MECOM: variants seen among roughly 807,000 people sequenced by gnomAD.
MECOM encodes MDS1 and EVI1 complex locus.
MECOM carries 13 observed loss-of-function variants against 116.3 expected under a neutral mutation model. The ratio of observed to expected loss-of-function variants is 0.11; its 90% confidence interval spans 0.07 to 0.18. MECOM has a LOEUF of 0.18. Among genes scored for constraint, MECOM ranks in the 10% least tolerant of loss-of-function variants. MECOM has a pLI of 1.00. For missense variants in MECOM, 1,299 were observed against 1,509.0 expected (o/e 0.86, Z 2.31); for synonymous variants, 528 against 535.2 (o/e 0.99, Z 0.19).
At chr3:169,417,730 T>C (rs1738919071) in intron 1 of MECOM, among the ~76,000 whole-genome samples, 2 of 151,830 alleles carry the variant, frequency 1.3e-5, no homozygotes, top group Non-Finnish European at 2.9e-5. Flanking sequence ...AATGATAGAC[T>C]GGATTAAGAA....
rs555794545 is a variant in MECOM, at chr3:169,328,251, A to T, written c.375+52936T>A. ...CCTTCCAATCTTACCAAGCCAGTTAAGTTGCACTTTTCACCTTCTCCGTTG... is the reference window on the plus strand; with the variant it reads ...CCTTCCAATCTTACCAAGCCAGTTATGTTGCACTTTTCACCTTCTCCGTTG... On this transcript the variant is annotated intron_variant, in intron 2 of 16. Coordinates refer to ENST00000651503, the MANE Select transcript of MECOM (RefSeq NM_004991.4). 7.2e-5 allele frequency among the ~76,000 whole-genome samples: 11 copies of T among 152,302 alleles called. No individual in the cohort carries two copies. In the South Asian group the frequency reaches 2.3e-3, roughly 32 times the overall value.
At chr3:169,106,844 A>G (rs1725603018) in intron 10 of MECOM, among the ~76,000 whole-genome samples, 1 of 152,162 alleles carries the variant, frequency 6.6e-6, no homozygotes, top group Non-Finnish European at 1.5e-5. Flanking sequence ...GGCCAGGATA[A>G]TCAGAAAACA....
At chr3:169,260,953 G>A (rs1294245866) in intron 2 of MECOM, among the ~76,000 whole-genome samples, 1 of 152,172 alleles carries the variant, frequency 6.6e-6, no homozygotes, top group African/African-American at 2.4e-5. Context: ...TGCATAGATT[G>A]GAGATTAGTT....
chr3:169,121,822 G>A (rs1344388981), intron 6 of MECOM, among the ~76,000 whole-genome samples: 1 of 151,770 alleles, frequency 6.6e-6, no homozygotes, highest in African/African-American at 2.4e-5. Flanking sequence ...AAATTTTAAT[G>A]TGCATAGAAC....
intron 2 of MECOM, among the ~76,000 whole-genome samples, chr3:169,200,781 T>C (rs1039918513): frequency 6.6e-6 from 1 of 152,058 alleles, no homozygotes; most frequent in African/African-American, 2.4e-5. Flanking sequence ...TGCCCAGGCC[T>C]AGAGACCATG....
chr3:169,097,305 T>A (rs950276099), intron 12 of MECOM, among the ~76,000 whole-genome samples: 4 of 152,114 alleles, frequency 2.6e-5, no homozygotes, highest in African/African-American at 9.7e-5. Flanking sequence ...TGATCAGTTG[T>A]TACTTTCTAT....
intron 1 of MECOM, among the ~76,000 whole-genome samples, chr3:169,475,049 C>A (rs567852225): frequency 1.3e-5 from 2 of 151,748 alleles, no homozygotes; most frequent in South Asian, 4.2e-4. Flanking sequence ...CTACTGTATT[C>A]TCCTCAGGCC....
chr3:169,495,514 G>T (rs1167044010), intron 1 of MECOM, among the ~76,000 whole-genome samples: 3 of 152,120 alleles, frequency 2.0e-5, no homozygotes, highest in Non-Finnish European at 4.4e-5. Flanking sequence ...TAATAGAAGA[G>T]ACTATATTTT....
intron 2 of MECOM, among the ~76,000 whole-genome samples, chr3:169,367,102 A>C (rs1560182047): frequency 6.6e-6 from 1 of 152,088 alleles, no homozygotes. Flanking sequence ...GAGAATAGAA[A>C]AAGACTATAT....
At chr3:169,159,579 T>C (rs1216849327) in intron 2 of MECOM, among the ~76,000 whole-genome samples, 1 of 151,936 alleles carries the variant, frequency 6.6e-6, no homozygotes, top group Non-Finnish European at 1.5e-5. Context: ...TAAATAAAAT[T>C]GCAATAATGG....
At chr3:169,446,784 C>G (rs1229742890) in intron 1 of MECOM, among the ~76,000 whole-genome samples, 9 of 152,120 alleles carry the variant, frequency 5.9e-5, no homozygotes, top group African/African-American at 2.2e-4. Flanking sequence ...GTGTCAGAAC[C>G]AAGATTTGAA....
chr3:169,317,805 C>T (rs933412750), intron 2 of MECOM, among the ~76,000 whole-genome samples: 20 of 152,046 alleles, frequency 1.3e-4, no homozygotes, highest in African/African-American at 3.9e-4. Flanking sequence ...AAAAAGAGCC[C>T]GTATAGCCAA....
chr3:169,097,393 A>C (rs1721952157), intron 12 of MECOM, among the ~76,000 whole-genome samples: 1 of 152,168 alleles, frequency 6.6e-6, no homozygotes, highest in African/African-American at 2.4e-5. Flanking sequence ...AATTCCAATA[A>C]GAGCCTAAGT....
At chr3:169,576,861 G>A (rs1052763264) in intron 1 of MECOM, among the ~76,000 whole-genome samples, 2 of 115,624 alleles carry the variant, frequency 1.7e-5, no homozygotes, top group Non-Finnish European at 4.1e-5. Flanking sequence ...AGAGAGTTAA[G>A]AGTGATAAAT....
rs547402283 is a variant in MECOM, at chr3:169,321,268, G to A, written c.375+59919C>T. Reference sequence around the variant, plus strand: ...TTAGAATACAAAGAGTGGGCCGGGTGAGGTGGCTCACTCCTGTAATCCCAG... The same window carrying A: ...TTAGAATACAAAGAGTGGGCCGGGTAAGGTGGCTCACTCCTGTAATCCCAG... On this transcript the variant is annotated intron_variant, in intron 2 of 16. Coordinates refer to ENST00000651503, the MANE Select transcript of MECOM (RefSeq NM_004991.4). Among the ~76,000 whole-genome samples the A allele has an allele frequency of 2.0e-5, 3 of 152,346 alleles. No individual in the cohort carries two copies. In the East Asian group the frequency reaches 5.8e-4, roughly 29 times the overall value.
intron 8 of MECOM, among the ~76,000 whole-genome samples, chr3:169,113,682 ATTTC>A (rs1434806932): frequency 2.6e-5 from 4 of 152,068 alleles, no homozygotes; most frequent in Non-Finnish European, 4.4e-5. Flanking sequence ...CATTGAATTA[ATTTC>A]TTTTACCAAC....
intron 2 of MECOM, among the ~76,000 whole-genome samples, chr3:169,204,554 C>T (rs1749649537): frequency 1.3e-5 from 2 of 152,154 alleles, no homozygotes; most frequent in Non-Finnish European, 2.9e-5. Flanking sequence ...GTCTCTTAAT[C>T]TATAGTAGAC....
At chr3:169,204,102 A>G (rs972400812) in intron 2 of MECOM, among the ~76,000 whole-genome samples, 9 of 152,202 alleles carry the variant, frequency 5.9e-5, no homozygotes, top group African/African-American at 2.2e-4. Context: ...AGGAACCGCT[A>G]CTGGGAGAAG....
At chr3:169,106,921 AT>A (rs1389755726) in intron 10 of MECOM, among the ~76,000 whole-genome samples, 11 of 152,142 alleles carry the variant, frequency 7.2e-5, no homozygotes, top group Non-Finnish European at 1.6e-4. Context: ...CTCCATAAAT[AT>A]TTGTGTACAT....
Sources: gnomAD v4.1 joint callset for allele counts (sites outside exome capture counted in the v4.1 genomes callset) on GRCh38, gnomAD v4.1.1 for gene constraint, MANE v1.5 for transcripts, NCBI Gene and HGNC (gene_info 2026-07-23, HGNC 2026-07-21) for gene names.